ZC3H11A: variants seen among roughly 807,000 people sequenced by gnomAD.
The protein encoded by ZC3H11A is zinc finger CCCH-type containing 11A.
ZC3H11A carries 22 observed loss-of-function variants against 90.8 expected under a neutral mutation model. The ratio of observed to expected loss-of-function variants is 0.24; its 90% confidence interval spans 0.17 to 0.35. ZC3H11A has a LOEUF of 0.35. Among genes scored for constraint, ZC3H11A ranks in the 10% least tolerant of loss-of-function variants. The probability of loss-of-function intolerance (pLI) is 1.00; values close to 1 mark genes in which losing one functional copy is unlikely to be tolerated. For missense variants in ZC3H11A, 701 were observed against 964.9 expected (o/e 0.73, Z 3.62); for synonymous variants, 294 against 339.8 (o/e 0.87, Z 1.48).
At chr1:203,821,172 A>G (rs1284168828) in intron 4 of ZC3H11A, among the ~76,000 whole-genome samples, 1 of 152,128 alleles carries the variant, frequency 6.6e-6, no homozygotes, top group Non-Finnish European at 1.5e-5. Flanking sequence ...CTGATGGTTT[A>G]AAAGTGTGGG....
At chr1:203,838,159 G>A (rs1305930051) in intron 11 of ZC3H11A, 95 bp downstream of exon 11, 9 of 1,113,988 alleles carry the variant, frequency 8.1e-6, no homozygotes, top group Non-Finnish European at 1.2e-5. Flanking sequence ...TTTTGTTCAG[G>A]TAAATAGGTT....
chr1:203,804,150 G>GTTTTTTTTTTTTTTTTTTT (rs1209891980), intron 2 of ZC3H11A, among the ~76,000 whole-genome samples: 1 of 131,018 alleles, frequency 7.6e-6, no homozygotes, highest in Non-Finnish European at 1.6e-5. Context: ...TCCTGTATAT[G>GTTTTTTTTTTTTTTTTTTT]TGTTTTTTTT....
intron 2 of ZC3H11A, chr1:203,806,188 C>A: frequency 2.1e-6 from 1 of 466,486 alleles, no homozygotes. Context: ...TTCTGCCCTG[C>A]TGTCCACCAT....
chr1:203,804,126 C>A (rs1410138386), intron 2 of ZC3H11A, among the ~76,000 whole-genome samples: 1 of 147,780 alleles, frequency 6.8e-6, no homozygotes, highest in African/African-American at 2.5e-5. Context: ...GTCTTGCATA[C>A]TTCTTCATTT....
chr1:203,850,231 G>A, intron 15 of ZC3H11A: 1 of 666,998 alleles, frequency 1.5e-6, no homozygotes, highest in South Asian at 2.0e-5. Context: ...TATTTAAAAA[G>A]CTTTGTGTAA....
intron 8 of ZC3H11A, 118 bp from the exon 9 acceptor site, chr1:203,831,543 C>T (rs1374462110): frequency 1.3e-6 from 1 of 774,870 alleles, no homozygotes; most frequent in Non-Finnish European, 2.2e-6. Context: ...GGCTGATTGG[C>T]TTATAGTCAT....
At position 203,801,677 on chromosome 1, in the gene ZC3H11A, C is replaced by T. The variant is rs1280714949; in HGVS notation, c.-1485C>T. 6.6e-6 allele frequency: 1 copy of T among 152,010 alleles called. No homozygotes were observed. Among genetic ancestry groups the T allele is most frequent in the East Asian group, 1.9e-4 (1 of 5,184 alleles). The allele number at this position is 152,010 out of a possible 1,614,324, so 9.4% of individuals were successfully genotyped here. On this transcript the variant is annotated 5_prime_UTR_variant, in exon 2 of 18. Transcript: ENST00000367210. ...TTTTAAGTTTTGATTTTAGTTTTGT[C>T]TTGGATAGTATTTGGCAAGATTTAG...
At chr1:203,844,565 A>T (rs1237597941) in intron 12 of ZC3H11A, among the ~76,000 whole-genome samples, 1 of 152,078 alleles carries the variant, frequency 6.6e-6, no homozygotes, top group Admixed American at 6.6e-5. Context: ...ATTTTGGTTT[A>T]TCTTAAATAT....
chr1:203,800,084 A>C, intron 1 of ZC3H11A: 1 of 1,536,092 alleles, frequency 6.5e-7, no homozygotes, highest in Non-Finnish European at 8.7e-7. Context: ...TTGCCCTTGG[A>C]AGCAAAAGCT....
intron 4 of ZC3H11A, among the ~76,000 whole-genome samples, chr1:203,820,119 C>T (rs187107000): frequency 2.6e-5 from 4 of 151,710 alleles, no homozygotes; most frequent in South Asian, 2.1e-4. Context: ...TCTGTAATCC[C>T]AGCTATTCAG....
chr1:203,805,135 C>T lies in ZC3H11A; in HGVS notation c.-146+2119C>T, dbSNP rs1671860115. ...AGAATCAAAATACCCACTTCTGATA[C>T]AGTAGTGATTTTTTTTTTTTTTTTT... On this transcript the variant is annotated intron_variant, in intron 2 of 17. Coordinates refer to ENST00000367210, the MANE Select transcript of ZC3H11A (RefSeq NM_001376342.1). 2.2e-5 allele frequency among the ~76,000 whole-genome samples: 3 copies of T among 134,458 alleles called. No homozygotes were observed. The Admixed American group carries it at 2.5e-4, about 11-fold the overall frequency. 88.2% of individuals were successfully genotyped at this position (134,458 alleles called of 152,430 possible).
intron 4 of ZC3H11A, among the ~76,000 whole-genome samples, chr1:203,820,474 G>GTGTGTGTGTGTGTC (rs912401897): frequency 6.6e-6 from 1 of 151,970 alleles, no homozygotes; most frequent in Admixed American, 6.6e-5. Flanking sequence ...AATTATGTGT[G>GTGTGTGTGTGTGTC]TGTGTGTGTA....
chr1:203,850,412 G>A, intron 15 of ZC3H11A, 103 bp from the exon 16 acceptor site: 3 of 1,469,502 alleles, frequency 2.0e-6, no homozygotes, highest in African/African-American at 1.4e-5. Context: ...AATTATTTGT[G>A]GTATTTCTAG....
At position 203,847,518 on chromosome 1, in the gene ZC3H11A, T is replaced by C; in HGVS notation, c.1377T>C (p.Pro459=). 2 of 1,613,924 alleles carry C rather than the reference T, an allele frequency of 1.2e-6. No homozygotes were observed. The highest frequency in any genetic ancestry group is 1.7e-6 in the Non-Finnish European group (2 of 1,179,866). ...IVASRGQSEE[P]AGKTKSMQEV... ...CCAGCAGAGGACAATCAGAGGAGCC[T>C]GCAGGTAAAACAAAGTCTATGCAGG... Residue 459 remains proline (P), a synonymous_variant, in exon 13 of 18, where the codon CCT becomes CCC. Coordinates refer to ENST00000367210, the MANE Select transcript of ZC3H11A (RefSeq NM_001376342.1).
At chr1:203,796,522 A>G (rs572833337) in intron 1 of ZC3H11A, 4 of 398,960 alleles carry the variant, frequency 1.0e-5, no homozygotes, top group Admixed American at 4.4e-5. Context: ...GGGAAGGCCT[A>G]TATTGTTGAC....
At chr1:203,822,344 T>C (rs1322370111) in intron 4 of ZC3H11A, among the ~76,000 whole-genome samples, 1 of 152,046 alleles carries the variant, frequency 6.6e-6, no homozygotes, top group Non-Finnish European at 1.5e-5. Context: ...GTTTCAACTC[T>C]AGTACTCTGT....
At chr1:203,808,505 T>G (rs1373359112) in intron 2 of ZC3H11A, among the ~76,000 whole-genome samples, 1 of 152,214 alleles carries the variant, frequency 6.6e-6, no homozygotes, top group Non-Finnish European at 1.5e-5. Flanking sequence ...TAAGGAAATG[T>G]TCTTATATTG....
chr1:203,797,663 G>A lies in ZC3H11A; in HGVS notation c.-1588+1869G>A, dbSNP rs1174482890. On this transcript the variant is annotated intron_variant, in intron 1 of 17. Transcript: ENST00000367210. Reference sequence around the variant, plus strand: ...AAGAAGATGTGGTAGAGGAAAAGATGGTAGCAGAAGGAGTGAATAAAGAGG... The same window carrying A: ...AAGAAGATGTGGTAGAGGAAAAGATAGTAGCAGAAGGAGTGAATAAAGAGG... The A allele has an allele frequency of 5.9e-6, 9 of 1,535,958 alleles. No homozygotes were observed. Among genetic ancestry groups the A allele is most frequent in the East Asian group, 2.4e-5 (1 of 40,916 alleles).
intron 4 of ZC3H11A, among the ~76,000 whole-genome samples, 156 bp from the exon 5 acceptor site, chr1:203,828,143 G>A (rs1681167262): frequency 6.6e-6 from 1 of 152,170 alleles, no homozygotes; most frequent in Non-Finnish European, 1.5e-5. Flanking sequence ...CCTAAGTTAT[G>A]TTATTTTCAG....
Sources: allele counts gnomAD v4.1 joint callset (sites outside exome capture counted in the v4.1 genomes callset), GRCh38; gene constraint gnomAD v4.1.1; transcripts MANE v1.5; gene names NCBI Gene and HGNC (gene_info 2026-07-23, HGNC 2026-07-21).